Variants in PFKL observed in about 807,000 individuals in gnomAD.
PFKL encodes the protein ATP-dependent 6-phosphofructokinase, liver type.
Under a neutral mutation model 92.1 loss-of-function variants are expected in PFKL, and 74 were observed. The ratio of observed to expected loss-of-function variants is 0.80; its 90% CI spans 0.67 to 0.97. PFKL has a LOEUF of 0.97. PFKL is among the 50% of genes least tolerant of loss of function. The probability of loss-of-function intolerance (pLI) is 0.00; values close to 1 mark genes in which losing one functional copy is unlikely to be tolerated. For missense variants in PFKL, 1,028 were observed against 1,116.6 expected (o/e 0.92, Z 1.13); for synonymous variants, 494 against 456.4 (o/e 1.08, Z -1.05).
chr21:44,323,120 C>T lies in PFKL; in HGVS notation c.1497+71C>T, dbSNP rs1056242202. On this transcript the variant is annotated intron_variant, in intron 15 of 21. Transcript: ENST00000349048. Reference sequence around the variant, plus strand: ...CAAGGTGTCCTCCCGCCGAGGGGGCCCATCCTGAAAACCCGTGTGCTGGCT... The same window carrying T: ...CAAGGTGTCCTCCCGCCGAGGGGGCTCATCCTGAAAACCCGTGTGCTGGCT... The T allele has an allele frequency of 1.1e-5, 14 of 1,298,172 alleles. No homozygotes were observed. The Admixed American group carries it at 1.4e-4, about 13-fold the overall frequency. 80.4% of individuals were successfully genotyped at this position (1,298,172 alleles called of 1,614,324 possible).
Position 44,318,267 on chromosome 21 carries a change from A to T in PFKL, c.937-203A>T, listed in dbSNP as rs117089094. On this transcript the variant is annotated intron_variant, in intron 9 of 21. Coordinates refer to ENST00000349048, the MANE Select transcript of PFKL (RefSeq NM_002626.6). Reference sequence around the variant, plus strand: ...TGCAGGCTGGGCCTTCCAGCAGGGCAGCGAGGACTCTGTGAAATGGTGTCT... The same window carrying T: ...TGCAGGCTGGGCCTTCCAGCAGGGCTGCGAGGACTCTGTGAAATGGTGTCT... 4.5e-4 allele frequency among the ~76,000 whole-genome samples: 69 copies of T among 152,286 alleles called. No homozygotes were observed. In the East Asian group the frequency reaches 0.012, roughly 26 times the overall value.
chr21:44,302,209 T>A (rs2040796021), intron 1 of PFKL, among the ~76,000 whole-genome samples: 1 of 152,248 alleles, frequency 6.6e-6, no homozygotes. Flanking sequence ...CAGTTGGGCC[T>A]GTGCCTTCCT....
rs1162270050 is a variant in PFKL, at chr21:44,306,943, C to T, written c.159+189C>T. On this transcript the variant is annotated intron_variant, in intron 2 of 21. Coordinates refer to ENST00000349048, the MANE Select transcript of PFKL (RefSeq NM_002626.6). ...CCAAAGGCATCTGCAGAAAGAAGACCTACTGCCTTGGGACTCAGCCCGGCT... is the reference window on the plus strand; with the variant it reads ...CCAAAGGCATCTGCAGAAAGAAGACTTACTGCCTTGGGACTCAGCCCGGCT... 2.6e-5 allele frequency among the ~76,000 whole-genome samples: 4 copies of T among 152,180 alleles called. No individual in the cohort carries two copies. The South Asian group carries it at 6.2e-4, about 24-fold the overall frequency.
chr21:44,307,815 C>T (rs570122516), intron 2 of PFKL, among the ~76,000 whole-genome samples: 182 of 152,298 alleles, frequency 1.2e-3, no homozygotes, highest in Non-Finnish European at 2.1e-3. Context: ...GGGCTGTGTC[C>T]GTACAAACCC....
chr21:44,307,687 G>A (rs1442054444), intron 2 of PFKL, among the ~76,000 whole-genome samples: 1 of 152,042 alleles, frequency 6.6e-6, no homozygotes, highest in Non-Finnish European at 1.5e-5. Context: ...GAGTGAGTGG[G>A]CAGTCTGTGC....
In PFKL at chr21:44,326,729, G is replaced by T; in HGVS notation, c.2210G>T (p.Arg737Leu). The change falls in exon 22 of 22, where the codon CGG becomes CTG. Residue 737 changes from arginine to leucine, a missense_variant. Transcript: ENST00000349048. The part of the protein sequence containing the change: ...KDTDFEHRMP[R>L]EQWWLSLRLM... ...GTCCTGCACAGGCACCGCATGCCAC[G>T]GGAGCAGTGGTGGCTGAGCCTGCGG... 2 of 1,611,906 alleles carry T rather than the reference G, an allele frequency of 1.2e-6. No individual in the cohort carries two copies. Among genetic ancestry groups the T allele is most frequent in the Non-Finnish European group, 1.7e-6 (2 of 1,179,476 alleles).
Position 44,324,147 on chromosome 21 carries a change from G to A in PFKL, c.1650+229G>A, listed in dbSNP as rs2047432667. On this transcript the variant is annotated intron_variant, in intron 16 of 21. Coordinates refer to ENST00000349048, the MANE Select transcript of PFKL (RefSeq NM_002626.6). ...CTCGCTACTGTGATGAGCTCAGATG[G>A]GGAGACTGAGGCGGGAATGTCCCTG... Among the ~76,000 whole-genome samples the A allele has an allele frequency of 2.0e-5, 3 of 152,118 alleles. No homozygotes were observed. In the South Asian group the frequency reaches 6.2e-4, roughly 31 times the overall value.
At chr21:44,321,703 A>AAGT in intron 12 of PFKL, 26 bp from the exon 13 acceptor site, 1 of 1,520,730 alleles carries the variant, frequency 6.6e-7, no homozygotes. Context: ...GCTGTGCCTC[A>AAGT]CGCTCATCTC....
Position 44,306,708 on chromosome 21 carries a change from C to CCACA in PFKL, c.113_114insCACA (p.Arg39ThrfsTer19). 1 of 1,613,862 alleles carries CCACA rather than the reference C, an allele frequency of 6.2e-7. No individual in the cohort carries two copies. The highest frequency in any genetic ancestry group is 8.5e-7 in the Non-Finnish European group (1 of 1,179,932). On this transcript the variant is annotated frameshift_variant, in exon 2 of 22. Coordinates refer to ENST00000349048, the MANE Select transcript of PFKL (RefSeq NM_002626.6). LOFTEE classifies it high-confidence loss of function. ...ATGAACGCTGCTGTCCGGGCTGTGA[C>CCACA]GCGCATGGGCATTTATGTGGGTGCC...
intron 2 of PFKL, 76 bp from the exon 3 acceptor site, chr21:44,310,930 A>T: frequency 9.5e-7 from 1 of 1,047,718 alleles, no homozygotes. Flanking sequence ...GTGGGGTGAA[A>T]ATCCTGCTCC....
chr21:44,321,062 T>C (rs1251510125), intron 12 of PFKL: 1 of 152,166 alleles, frequency 6.6e-6, no homozygotes, highest in Admixed American at 6.5e-5. Context: ...GGCAGGGGCG[T>C]GACTGGCTTT....
chr21:44,311,530 T>TCA (rs1349681982), intron 3 of PFKL, among the ~76,000 whole-genome samples: 1 of 151,734 alleles, frequency 6.6e-6, no homozygotes. Context: ...GTACTCAGAG[T>TCA]CACACACACA....
intron 11 of PFKL, 157 bp from the exon 12 acceptor site, chr21:44,319,927 T>G (rs914117578): frequency 5.0e-5 from 32 of 646,270 alleles, no homozygotes; most frequent in Admixed American, 4.8e-5. Flanking sequence ...CTGTGGAAGG[T>G]GCCCTGCCTG....
chr21:44,325,105 G>GT (rs763071085), intron 18 of PFKL, 48 bp from the exon 19 acceptor site: 1 of 1,380,148 alleles, frequency 7.2e-7, no homozygotes, highest in East Asian at 2.3e-5. Context: ...GGATCGGGGG[G>GT]AGACCTGAAC....
chr21:44,313,667 T>C lies in PFKL; in HGVS notation c.623T>C (p.Met208Thr). The C allele has an allele frequency of 6.2e-7, 1 of 1,612,316 alleles. No homozygotes were observed. The highest frequency in any genetic ancestry group is 1.3e-5 in the African/African-American group (1 of 75,054). The change falls in exon 6 of 22, where the codon ATG becomes ACG. Residue 208 changes from methionine to threonine, a missense_variant. Physicochemically the swap from Met to Thr is moderately conservative, Grantham distance 81. Transcript: ENST00000349048. ...SHQRTFVLEVMGRHCGYLALV... is the reference protein window; with the variant it reads ...SHQRTFVLEVTGRHCGYLALV... ...CAGAGGACCTTCGTGCTGGAAGTGA[T>C]GGGCCGGCACTGCGGGTGAGGAGGG...
intron 2 of PFKL, among the ~76,000 whole-genome samples, chr21:44,308,928 A>G (rs889270196): frequency 5.3e-5 from 8 of 152,132 alleles, no homozygotes; most frequent in Non-Finnish European, 1.2e-4. Context: ...CCACCTGCCC[A>G]AGTGTGTTGG....
At chr21:44,324,057 C>A in intron 16 of PFKL, 139 bp downstream of exon 16, 1 of 965,140 alleles carries the variant, frequency 1.0e-6, no homozygotes, top group South Asian at 1.6e-5. Flanking sequence ...GGGCACAGGC[C>A]CGGGTGAAGG....
At chr21:44,314,183 ACGGGGCTG>A in intron 7 of PFKL, 162 bp downstream of exon 7, 1 of 616,128 alleles carries the variant, frequency 1.6e-6, no homozygotes, top group Non-Finnish European at 2.9e-6. Context: ...GTGGGGGGCT[ACGGGGCTG>A]ACCTCAGTGA....
intron 1 of PFKL, among the ~76,000 whole-genome samples, chr21:44,303,878 C>T (rs1046170658): frequency 6.6e-6 from 1 of 152,140 alleles, no homozygotes; most frequent in Admixed American, 6.5e-5. Flanking sequence ...ACTGTCCTGC[C>T]TGCCCTCTGA....
Sources: gnomAD v4.1 joint callset for allele counts (sites outside exome capture counted in the v4.1 genomes callset) on GRCh38, gnomAD v4.1.1 for gene constraint, MANE v1.5 for transcripts, NCBI Gene and HGNC (gene_info 2026-07-23, HGNC 2026-07-21) for gene names.